Variants in PCDHA6 observed in about 807,000 individuals in gnomAD.
The protein encoded by PCDHA6 is protocadherin alpha-6.
PCDHA6 carries 55 observed loss-of-function variants against 60.3 expected under a neutral mutation model. The observed-to-expected ratio is 0.91, with a 90% CI of 0.73 to 1.14. The LOEUF is 1.14. PCDHA6 is among the 50% of genes most tolerant of loss of function. PCDHA6 has a pLI of 0.00. For missense variants in PCDHA6, 1,327 were observed against 1,256.5 expected (o/e 1.06, Z -0.85); for synonymous variants, 652 against 557.9 (o/e 1.17, Z -2.38).
intron 1 of PCDHA6, among the ~76,000 whole-genome samples, chr5:140,934,327 T>C (rs1379362644): frequency 1.3e-5 from 2 of 152,152 alleles, no homozygotes; most frequent in African/African-American, 4.8e-5. Flanking sequence ...CAATCATGAA[T>C]GTAATAACCA....
chr5:141,005,714 A>AAG (rs2098233543), intron 3 of PCDHA6, among the ~76,000 whole-genome samples: 1 of 148,328 alleles, frequency 6.7e-6, no homozygotes, highest in Non-Finnish European at 1.5e-5. Flanking sequence ...AAAAAAAAAA[A>AAG]AAAAAAAAAA....
At chr5:140,854,589 AG>A (rs1479719574) in intron 1 of PCDHA6, 1 of 150,000 alleles carries the variant, frequency 6.7e-6, no homozygotes, top group African/African-American at 2.4e-5. Flanking sequence ...TAATAAAAAA[AG>A]TTTAAAGTAA....
At chr5:140,957,895 A>G (rs1169291586) in intron 1 of PCDHA6, among the ~76,000 whole-genome samples, 1 of 152,118 alleles carries the variant, frequency 6.6e-6, no homozygotes, top group African/African-American at 2.4e-5. Flanking sequence ...GTTGGCATCA[A>G]CCAAGGCATA....
In PCDHA6 at chr5:140,852,554, C is replaced by T. The variant is rs2150518333; in HGVS notation, c.2394+22069C>T. On this transcript the variant is annotated intron_variant, in intron 1 of 3. Coordinates refer to ENST00000529310, the MANE Select transcript of PCDHA6 (RefSeq NM_018909.4). ...GCCTCCCAAAGTGCTGGGATTAAAG[C>T]TGTGAGCCACTGTGCCAAGGCTTTT... The T allele has an allele frequency of 2.3e-3, 1,476 of 640,248 alleles. 60 individuals are homozygous for T. The highest frequency in any genetic ancestry group is 1.6e-3 in the Non-Finnish European group (826 of 501,678). 39.7% of individuals were successfully genotyped at this position (640,248 alleles called of 1,614,324 possible).
chr5:140,969,542 C>A, intron 1 of PCDHA6: 1 of 1,279,482 alleles, frequency 7.8e-7, no homozygotes, highest in Non-Finnish European at 1.1e-6. Context: ...TTTTCAGAGG[C>A]ATGAAGCCTT....
Position 140,829,000 on chromosome 5 carries a change from G to A in PCDHA6, c.909G>A (p.Val303=). ...TAGATCGAAATACGGGAGAAATAGTGATTCGGGGTAATTTGGATTTTGAAC... is the reference window on the plus strand; with the variant it reads ...TAGATCGAAATACGGGAGAAATAGTAATTCGGGGTAATTTGGATTTTGAAC... ...FSIDRNTGEI[V]IRGNLDFEQE... Residue 303 remains valine (V), a synonymous_variant, in exon 1 of 4, where the codon GTG becomes GTA. Transcript: ENST00000529310. 6.2e-7 allele frequency: 1 copy of A among 1,613,886 alleles called. No individual in the cohort carries two copies. The highest frequency in any genetic ancestry group is 8.5e-7 in the Non-Finnish European group (1 of 1,179,786).
chr5:140,871,635 A>G, intron 1 of PCDHA6: 1 of 1,364,150 alleles, frequency 7.3e-7, no homozygotes, highest in Non-Finnish European at 9.8e-7. Context: ...ATGTCTGTTC[A>G]TAAAATACCA....
intron 1 of PCDHA6, chr5:140,853,468 T>A: frequency 1.0e-6 from 1 of 970,862 alleles, no homozygotes. Flanking sequence ...TATGCATCTG[T>A]AGTTAACATT....
chr5:140,852,714 G>T, intron 1 of PCDHA6: 2 of 980,718 alleles, frequency 2.0e-6, no homozygotes, highest in South Asian at 9.5e-5. Flanking sequence ...CTTTGTCTTT[G>T]CACGTTTTTC....
In PCDHA6 at chr5:140,829,962, T is replaced by A. The variant is rs2150178663; in HGVS notation, c.1871T>A (p.Val624Glu). Residue 624 changes from valine (V) to glutamate (E), a missense_variant, in exon 1 of 4, where the codon GTG (valine) becomes GAG (glutamate). Val to Glu is a moderately radical substitution (Grantham distance 121). Transcript: ENST00000529310. ...PASSARFPFR[V>E]GLYTGEISTT... ...AGCAGCGCTCGCTTCCCGTTTCGCG[T>A]GGGGCTGTACACGGGCGAGATCAGC... 2 of 1,613,904 alleles carry A rather than the reference T, an allele frequency of 1.2e-6. No individual in the cohort carries two copies.
rs1284021507 is a variant in PCDHA6, at chr5:140,883,838, G to C, written c.2394+53353G>C. The C allele has an allele frequency of 6.2e-7, 1 of 1,612,620 alleles. No individual in the cohort carries two copies. The highest frequency in any genetic ancestry group is 8.5e-7 in the Non-Finnish European group (1 of 1,179,840). On this transcript the variant is annotated intron_variant, in intron 1 of 3. Coordinates refer to ENST00000529310, the MANE Select transcript of PCDHA6 (RefSeq NM_018909.4). ...CAAGGTGTACGCGCTGCAGCCGTTG[G>C]ACCACGAGGAGCTGGAGCTGTTGCA...
chr5:140,840,155 G>C (rs2150303964), intron 1 of PCDHA6, among the ~76,000 whole-genome samples: 1 of 152,102 alleles, frequency 6.6e-6, no homozygotes, highest in East Asian at 1.9e-4. Flanking sequence ...CGTGAAAGGA[G>C]AGATGGGATG....
intron 1 of PCDHA6, chr5:140,862,463 G>C (rs2047375519): frequency 2.7e-6 from 1 of 370,738 alleles, no homozygotes. Flanking sequence ...TGGACCAAGA[G>C]AGCAAATCTA....
chr5:140,912,101 A>G (rs781989328), intron 1 of PCDHA6, among the ~76,000 whole-genome samples: 2 of 152,194 alleles, frequency 1.3e-5, no homozygotes, highest in Non-Finnish European at 2.9e-5. Context: ...CAGGAGAAAG[A>G]TGTAGGCTGG....
chr5:140,919,455 ATGT>A (rs2079137711), intron 1 of PCDHA6, among the ~76,000 whole-genome samples: 1 of 152,118 alleles, frequency 6.6e-6, no homozygotes, highest in Admixed American at 6.5e-5. Flanking sequence ...TATTCACATG[ATGT>A]TACTATTGAT....
intron 1 of PCDHA6, among the ~76,000 whole-genome samples, chr5:140,924,394 T>A (rs973977224): frequency 2.0e-5 from 3 of 152,176 alleles, no homozygotes; most frequent in Admixed American, 2.0e-4. Context: ...CTACTTATAT[T>A]GCCTTATATC....
intron 1 of PCDHA6, chr5:140,868,947 A>T: frequency 7.7e-7 from 1 of 1,290,598 alleles, no homozygotes; most frequent in Non-Finnish European, 1.1e-6. Flanking sequence ...CTGAACAGTG[A>T]GGCACTCCCA....
intron 3 of PCDHA6, among the ~76,000 whole-genome samples, chr5:140,998,919 A>G (rs781864069): frequency 6.6e-6 from 1 of 152,248 alleles, no homozygotes; most frequent in Non-Finnish European, 1.5e-5. Flanking sequence ...TAGCTATTAT[A>G]TCCATTTTAC....
At chr5:140,884,689 T>C (rs1290961484) in intron 1 of PCDHA6, 11 of 1,534,282 alleles carry the variant, frequency 7.2e-6, no homozygotes, top group Non-Finnish European at 9.6e-6. Flanking sequence ...AAAAATTGTC[T>C]TAGTAAACAC....
Sources: gnomAD v4.1 joint callset for allele counts (sites outside exome capture counted in the v4.1 genomes callset) on GRCh38, gnomAD v4.1.1 for gene constraint, MANE v1.5 for transcripts, NCBI Gene and HGNC (gene_info 2026-07-23, HGNC 2026-07-21) for gene names.